LAMTOR3: variants seen among roughly 807,000 people sequenced by gnomAD.
LAMTOR3 encodes late endosomal/lysosomal adaptor, MAPK and MTOR activator 3.
In LAMTOR3, 14 loss-of-function variants were observed where a neutral mutation model predicts 20.3. That is an observed-to-expected ratio of 0.69 (90% CI 0.46 to 1.08). The LOEUF (loss-of-function observed/expected upper bound fraction) is 1.08. Ranked by LOEUF, LAMTOR3 falls within the 50% of genes least tolerant of loss-of-function variation. The pLI is 0.00. For synonymous variants in LAMTOR3, 40 were observed against 49.4 expected, an observed-to-expected ratio of 0.81 and a Z score of 0.80; for missense variants, 125 against 143.7, an observed-to-expected ratio of 0.87 and a Z score of 0.67.
At chr4:99,890,504 T>C (rs1725003402) in intron 3 of LAMTOR3, among the ~76,000 whole-genome samples, 1 of 152,206 alleles carries the variant, frequency 6.6e-6, no homozygotes, top group South Asian at 2.1e-4. Context: ...AATCAAAGCG[T>C]ATATTCTACT....
chr4:99,889,475 C>G (rs889901219), intron 3 of LAMTOR3, among the ~76,000 whole-genome samples: 1 of 152,150 alleles, frequency 6.6e-6, no homozygotes, highest in Non-Finnish European at 1.5e-5. Context: ...AGATTACTCT[C>G]AAAGTTACAT....
At position 99,881,419 on chromosome 4, in the gene LAMTOR3, C is replaced by T. The variant is rs1270083048; in HGVS notation, c.*575G>A. 2.6e-5 allele frequency: 4 copies of T among 152,080 alleles called. No homozygotes were observed. The highest frequency in any genetic ancestry group is 9.7e-5 in the African/African-American group (4 of 41,398). 9.4% of individuals were successfully genotyped at this position (152,080 alleles called of 1,614,324 possible). A position where few individuals can be genotyped will look rare whatever the true frequency, so the allele number is the denominator to read the frequency against. ...TTTTCATTTTCATTAAAGAGCAGCA[C>T]CCTCTGAGAATAATCAAACTGATTA... On this transcript the variant is annotated 3_prime_UTR_variant, in exon 7 of 7. Transcript: ENST00000499666.
intron 4 of LAMTOR3, 119 bp downstream of exon 4, chr4:99,887,177 C>T: frequency 1.8e-6 from 1 of 555,916 alleles, no homozygotes; most frequent in South Asian, 2.6e-5. Context: ...ATACTAAGAC[C>T]ATCTCCCAAA....
intron 3 of LAMTOR3, among the ~76,000 whole-genome samples, chr4:99,887,900 G>C (rs546280719): frequency 2.0e-4 from 31 of 152,324 alleles, no homozygotes; most frequent in African/African-American, 7.5e-4. Context: ...AGGGATATGA[G>C]AACCTAGAAA....
rs1724807700 is a variant in LAMTOR3, at chr4:99,880,651, C to G, written c.*1343G>C. The G allele has an allele frequency of 6.6e-6, 1 of 152,118 alleles. No homozygotes were observed. Among genetic ancestry groups the G allele is most frequent in the African/African-American group, 2.4e-5 (1 of 41,382 alleles). The allele number at this position is 152,118 out of a possible 1,614,324, so 9.4% of individuals were successfully genotyped here. A position where few individuals can be genotyped will look rare whatever the true frequency, so the allele number is the denominator to read the frequency against. On this transcript the variant is annotated 3_prime_UTR_variant, in exon 7 of 7. Transcript: ENST00000499666. ...GCACAGCACCTAGCCAATTGCCTCA[C>G]TGCACAATTCTAGGGATAACAATCA...
At chr4:99,889,570 G>A (rs1724987396) in intron 3 of LAMTOR3, among the ~76,000 whole-genome samples, 1 of 152,192 alleles carries the variant, frequency 6.6e-6, no homozygotes, top group South Asian at 2.1e-4. Flanking sequence ...ATATGTGTAT[G>A]TTGTGTGTAT....
At position 99,879,275 on chromosome 4, in the gene LAMTOR3, T is replaced by G. The variant is rs1724773991; in HGVS notation, c.*2719A>C. On this transcript the variant is annotated 3_prime_UTR_variant, in exon 7 of 7. Coordinates refer to ENST00000499666, the MANE Select transcript of LAMTOR3 (RefSeq NM_021970.4). ...TACTACCTTTCAAAAACAGTTAATCTAGGTTTACATTACCCTTTCAAAAAT... is the reference window on the plus strand; with the variant it reads ...TACTACCTTTCAAAAACAGTTAATCGAGGTTTACATTACCCTTTCAAAAAT... 2 of 152,198 alleles carry G rather than the reference T, an allele frequency of 1.3e-5. No individual in the cohort carries two copies. Among genetic ancestry groups the G allele is most frequent in the African/African-American group, 4.8e-5 (2 of 41,444 alleles). 9.4% of individuals were successfully genotyped at this position (152,198 alleles called of 1,614,324 possible). A position where few individuals can be genotyped will look rare whatever the true frequency, so the allele number is the denominator to read the frequency against.
chr4:99,878,602 C>T lies in LAMTOR3; in HGVS notation c.*3392G>A, dbSNP rs1196545162. 6.6e-6 allele frequency: 1 copy of T among 152,152 alleles called. No individual in the cohort carries two copies. Among genetic ancestry groups the T allele is most frequent in the East Asian group, 1.9e-4 (1 of 5,188 alleles). 9.4% of individuals were successfully genotyped at this position (152,152 alleles called of 1,614,324 possible). ...ATATACAAACAAATAGGAATACATA[C>T]ACATTTTTTCTTCTTATACATCAAT... On this transcript the variant is annotated 3_prime_UTR_variant, in exon 7 of 7. Transcript: ENST00000499666.
chr4:99,880,322 G>C lies in LAMTOR3; in HGVS notation c.*1672C>G, dbSNP rs1316115798. 6.6e-6 allele frequency: 1 copy of C among 152,196 alleles called. No individual in the cohort carries two copies. Among genetic ancestry groups the C allele is most frequent in the African/African-American group, 2.4e-5 (1 of 41,424 alleles). The allele number at this position is 152,196 out of a possible 1,614,324, so 9.4% of individuals were successfully genotyped here. On this transcript the variant is annotated 3_prime_UTR_variant, in exon 7 of 7. Transcript: ENST00000499666. Reference sequence around the variant, plus strand: ...AAAAAGTAGCACATGGCCCGGTGCAGTGGCTCACACCTATAATCCTAGCAT... The same window carrying C: ...AAAAAGTAGCACATGGCCCGGTGCACTGGCTCACACCTATAATCCTAGCAT...
chr4:99,886,918 A>ATGTATGTATGTGTATATGTGTGTG (rs575111084), intron 4 of LAMTOR3, among the ~76,000 whole-genome samples: 1 of 141,974 alleles, frequency 7.0e-6, no homozygotes. Context: ...TGTGTGTGGT[A>ATGTATGTATGTGTATATGTGTGTG]TGTATATATA....
intron 4 of LAMTOR3, among the ~76,000 whole-genome samples, chr4:99,886,915 G>GGGAT: frequency 8.1e-6 from 1 of 122,880 alleles, no homozygotes; most frequent in East Asian, 3.1e-4. Flanking sequence ...ATGTGTGTGT[G>GGGAT]GTATGTATAT....
Position 99,893,972 on chromosome 4 carries a change from C to A in LAMTOR3, c.-9G>T, listed in dbSNP as rs1249858491. ...TCACTCACATCCGCCATGATGAACC[C>A]CCTTCTCTCGCAGGATCAATCTCCA... is the stretch of plus-strand genomic sequence containing the variant. On this transcript the variant is annotated 5_prime_UTR_variant, in exon 2 of 7. Coordinates refer to ENST00000499666, the MANE Select transcript of LAMTOR3 (RefSeq NM_021970.4). The A allele has an allele frequency of 6.4e-7, 1 of 1,551,088 alleles. No homozygotes were observed. Among genetic ancestry groups the A allele is most frequent in the Non-Finnish European group, 8.7e-7 (1 of 1,145,092 alleles).
intron 4 of LAMTOR3, among the ~76,000 whole-genome samples, chr4:99,886,874 A>G (rs1302501533): frequency 4.7e-5 from 7 of 150,096 alleles, no homozygotes; most frequent in Admixed American, 3.3e-4. Flanking sequence ...ATACATGGGT[A>G]TTATCCTAAA....
In LAMTOR3 at chr4:99,879,142, T is replaced by C. The variant is rs960201391; in HGVS notation, c.*2852A>G. ...TACTTATTGAATAATCCTTTTCCCA[T>C]TGTGATCCCGTCTTTATAACAATGT... On this transcript the variant is annotated 3_prime_UTR_variant, in exon 7 of 7. Transcript: ENST00000499666. 6.6e-6 allele frequency: 1 copy of C among 152,208 alleles called. No individual in the cohort carries two copies. The highest frequency in any genetic ancestry group is 1.5e-5 in the Non-Finnish European group (1 of 68,042). 9.4% of individuals were successfully genotyped at this position (152,208 alleles called of 1,614,324 possible). A position where few individuals can be genotyped will look rare whatever the true frequency, so the allele number is the denominator to read the frequency against.
chr4:99,882,122 G>A (rs1286821382), intron 6 of LAMTOR3, 55 bp from the exon 7 acceptor site: 3 of 1,079,846 alleles, frequency 2.8e-6, no homozygotes, highest in Non-Finnish European at 4.1e-6. Context: ...CTCAAAGCCT[G>A]AAACTCAGAT....
At chr4:99,886,027 A>G (rs1724919505) in intron 4 of LAMTOR3, among the ~76,000 whole-genome samples, 1 of 152,230 alleles carries the variant, frequency 6.6e-6, no homozygotes, top group Admixed American at 6.5e-5. Flanking sequence ...AAAAGTTACA[A>G]AACTTCTGCT....
At chr4:99,893,793 T>G (rs1725069058) in intron 2 of LAMTOR3, among the ~76,000 whole-genome samples, 162 bp downstream of exon 2, 1 of 152,146 alleles carries the variant, frequency 6.6e-6, no homozygotes, top group East Asian at 1.9e-4. Context: ...TTCATTCATA[T>G]TAGTCTCCCA....
chr4:99,894,365 GCTGT>G lies in LAMTOR3; in HGVS notation c.-72_-69del, dbSNP rs1725085526. On this transcript the variant is annotated 5_prime_UTR_variant, in exon 1 of 7. Coordinates refer to ENST00000499666, the MANE Select transcript of LAMTOR3 (RefSeq NM_021970.4). The stretch of plus-strand genomic sequence containing the variant: ...GTTTCTGGGCTGCCTGGTTCTCTCC[GCTGT>G]CACTTCAGGGACAGCTTTAAAGACA... 5.3e-6 allele frequency: 1 copy of G among 187,422 alleles called. No homozygotes were observed. Among genetic ancestry groups the G allele is most frequent in the African/African-American group, 2.3e-5 (1 of 42,990 alleles). 11.6% of individuals were successfully genotyped at this position (187,422 alleles called of 1,614,324 possible). A position where few individuals can be genotyped will look rare whatever the true frequency, so the allele number is the denominator to read the frequency against.
In LAMTOR3 at chr4:99,894,418, CAT is replaced by C. The variant is rs1335889029; in HGVS notation, c.-123_-122del. 6.4e-6 allele frequency: 1 copy of C among 155,870 alleles called. No homozygotes were observed. The highest frequency in any genetic ancestry group is 2.4e-5 in the African/African-American group (1 of 41,646). 9.7% of individuals were successfully genotyped at this position (155,870 alleles called of 1,614,324 possible). On this transcript the variant is annotated 5_prime_UTR_variant, in exon 1 of 7. The change abolishes an upstream ATG in the 5' untranslated region. Coordinates refer to ENST00000499666, the MANE Select transcript of LAMTOR3 (RefSeq NM_021970.4). ...CAGGTTCCTCCTCAAGCCACCGTCA[CAT>C]GATTCATGACCTCGTCTGCGCTCCA...
Sources: gnomAD v4.1 joint callset for allele counts (sites outside exome capture counted in the v4.1 genomes callset) on GRCh38, gnomAD v4.1.1 for gene constraint, MANE v1.5 for transcripts, NCBI Gene and HGNC (gene_info 2026-07-23, HGNC 2026-07-21) for gene names.